DNAI3: variants seen among roughly 807,000 people sequenced by gnomAD.
DNAI3 encodes WD repeat domain 63.
A neutral mutation model predicts 115.5 loss-of-function variants in DNAI3; 83 were observed. That is an observed-to-expected ratio of 0.72 (90% CI 0.60 to 0.86). The LOEUF is 0.86. Ranked by LOEUF, DNAI3 falls within the 40% of genes least tolerant of loss-of-function variation. The pLI, the probability that DNAI3 is intolerant of heterozygous loss-of-function variation, is 0.00. For synonymous variants in DNAI3, 320 were observed against 347.0 expected, an observed-to-expected ratio of 0.92 and a Z score of 0.86; for missense variants, 1,004 against 1,075.8, an observed-to-expected ratio of 0.93 and a Z score of 0.93.
chr1:85,064,211 CCA>C (rs1654022109), intron 1 of DNAI3, among the ~76,000 whole-genome samples: 1 of 152,042 alleles, frequency 6.6e-6, no homozygotes, highest in South Asian at 2.1e-4. Context: ...GGTTGGAGCT[CCA>C]GTTTTGGAGG....
At chr1:85,086,462 A>T (rs1391861368) in intron 7 of DNAI3, among the ~76,000 whole-genome samples, 1 of 152,134 alleles carries the variant, frequency 6.6e-6, no homozygotes, top group Non-Finnish European at 1.5e-5. Context: ...TTAGGATGGC[A>T]TATGAGGTTC....
chr1:85,100,063 C>G (rs1655244779), intron 13 of DNAI3, among the ~76,000 whole-genome samples: 1 of 151,942 alleles, frequency 6.6e-6, no homozygotes, highest in Non-Finnish European at 1.5e-5. Flanking sequence ...TAGGCATGGG[C>G]AAGGACTTCA....
At chr1:85,090,267 C>T (rs1233027188) in intron 8 of DNAI3, 35 bp downstream of exon 8, 1 of 1,232,930 alleles carries the variant, frequency 8.1e-7, no homozygotes, top group Non-Finnish European at 1.1e-6. Context: ...AAAAATAAAA[C>T]ATAAAATGTA....
rs113055048 is a variant in DNAI3 at position 85,127,185 on chromosome 1, C to A, written c.2317+470C>A. 7.1e-3 allele frequency among the ~76,000 whole-genome samples: 1,085 copies of A among 152,180 alleles called. 15 individuals are homozygous for A. Among genetic ancestry groups the A allele is most frequent in the African/African-American group, 0.024 (1,012 of 41,512 alleles). On this transcript the variant is annotated intron_variant, in intron 20 of 22. Transcript: ENST00000294664. ...TATCACTTTTGTGGTTCTCCCCTGG[C>A]TAATATCAAGCAATTCTCTTCATAA...
chr1:85,122,475 C>T (rs1198829300), intron 18 of DNAI3, among the ~76,000 whole-genome samples: 1 of 152,192 alleles, frequency 6.6e-6, no homozygotes, highest in Non-Finnish European at 1.5e-5. Context: ...TTGGGGTTCA[C>T]TACAATTATA....
intron 17 of DNAI3, among the ~76,000 whole-genome samples, chr1:85,118,165 G>A (rs1407681500): frequency 6.6e-6 from 1 of 152,092 alleles, no homozygotes; most frequent in Non-Finnish European, 1.5e-5. Context: ...AAGTGTTAGA[G>A]ATTTACTAAG....
chr1:85,123,903 G>A (rs1173515988), intron 18 of DNAI3, among the ~76,000 whole-genome samples: 3 of 152,164 alleles, frequency 2.0e-5, no homozygotes, highest in African/African-American at 7.2e-5. Context: ...ATTCATTTAA[G>A]CTTGAAAAAT....
chr1:85,086,087 C>T, intron 7 of DNAI3, 57 bp downstream of exon 7: 2 of 1,502,312 alleles, frequency 1.3e-6, no homozygotes, highest in Non-Finnish European at 1.8e-6. Flanking sequence ...AATCTAGTAA[C>T]TTCCATTATT....
At position 85,073,185 on chromosome 1, in the gene DNAI3, T is replaced by A. The variant is rs2100557435; in HGVS notation, c.103+93T>A. 3 of 903,286 alleles carry A rather than the reference T, an allele frequency of 3.3e-6. No individual in the cohort carries two copies. The East Asian group carries it at 8.6e-5, about 26-fold the overall frequency. 56.0% of individuals were successfully genotyped at this position (903,286 alleles called of 1,614,324 possible). A position where few individuals can be genotyped will look rare whatever the true frequency, so the allele number is the denominator to read the frequency against. ...GCAGGAATACTACAAACTGAAGTGA[T>A]CAATCAAAATGTACATGGGCTAAAA... On this transcript the variant is annotated intron_variant, in intron 3 of 22. Transcript: ENST00000294664.
At chr1:85,112,094 C>A (rs973829885) in intron 16 of DNAI3, among the ~76,000 whole-genome samples, 1 of 151,836 alleles carries the variant, frequency 6.6e-6, no homozygotes, top group Admixed American at 6.6e-5. Flanking sequence ...CTCTGTCACC[C>A]AGGCTGGCAT....
At chr1:85,123,682 C>A (rs2100613765) in intron 18 of DNAI3, among the ~76,000 whole-genome samples, 1 of 152,300 alleles carries the variant, frequency 6.6e-6, no homozygotes, top group South Asian at 2.1e-4. Flanking sequence ...CAACACTTTT[C>A]ACAATTTTTA....
At chr1:85,107,028 G>T (rs572464315) in intron 14 of DNAI3, among the ~76,000 whole-genome samples, 3 of 152,282 alleles carry the variant, frequency 2.0e-5, no homozygotes, top group East Asian at 3.9e-4. Flanking sequence ...TACTTTTGAT[G>T]AAATACAACT....
chr1:85,081,484 TGGAGA>T, intron 4 of DNAI3, 69 bp downstream of exon 4: 2 of 1,418,906 alleles, frequency 1.4e-6, no homozygotes, highest in Non-Finnish European at 1.9e-6. Context: ...TAACAAAAGT[TGGAGA>T]GGTTGTTGGT....
At chr1:85,099,096 C>T (rs759768802) in intron 13 of DNAI3, among the ~76,000 whole-genome samples, 26 of 152,174 alleles carry the variant, frequency 1.7e-4, no homozygotes, top group Admixed American at 2.6e-4. Flanking sequence ...TGGGTGAAAA[C>T]TAGTTGTGCA....
At chr1:85,087,416 T>C (rs1448258578) in intron 7 of DNAI3, among the ~76,000 whole-genome samples, 2 of 113,042 alleles carry the variant, frequency 1.8e-5, no homozygotes, top group Non-Finnish European at 3.2e-5. Flanking sequence ...AGCCTGGTGA[T>C]AGAGCTAGAC....
chr1:85,114,288 C>G (rs1655749652), intron 16 of DNAI3, among the ~76,000 whole-genome samples: 2 of 152,302 alleles, frequency 1.3e-5, no homozygotes, highest in Middle Eastern at 6.8e-3. Context: ...GCTGGGATTA[C>G]AGGTATGAGC....
At chr1:85,063,353 G>T (rs1189129492) in intron 1 of DNAI3, among the ~76,000 whole-genome samples, 6 of 152,038 alleles carry the variant, frequency 3.9e-5, no homozygotes, top group Non-Finnish European at 5.9e-5. Context: ...GGAGGGAAGG[G>T]GATTCTCCAG....
intron 14 of DNAI3, 71 bp downstream of exon 14, chr1:85,104,668 C>A: frequency 8.2e-7 from 1 of 1,225,784 alleles, no homozygotes; most frequent in Non-Finnish European, 1.2e-6. Context: ...CTCCTAAAAT[C>A]AGTGTCTTCT....
chr1:85,126,015 T>C (rs1468760071), intron 19 of DNAI3, among the ~76,000 whole-genome samples: 1 of 152,260 alleles, frequency 6.6e-6, no homozygotes, highest in Non-Finnish European at 1.5e-5. Context: ...TCACTTTATA[T>C]GAGAATTTGC....
Sources: allele counts gnomAD v4.1 joint callset (sites outside exome capture counted in the v4.1 genomes callset), GRCh38; gene constraint gnomAD v4.1.1; transcripts MANE v1.5; gene names NCBI Gene and HGNC (gene_info 2026-07-23, HGNC 2026-07-21).